Variants in NACA observed in about 807,000 individuals in gnomAD.
The protein encoded by NACA is nascent polypeptide associated complex subunit alpha.
A neutral mutation model predicts 86.4 loss-of-function variants in NACA; 42 were observed. The observed-to-expected ratio is 0.49, with a 90% CI of 0.38 to 0.63. The LOEUF (loss-of-function observed/expected upper bound fraction) is 0.63. Among genes scored for constraint, NACA ranks in the 20% least tolerant of loss-of-function variants. The pLI is 0.00. For missense variants in NACA, 2,157 were observed against 2,483.6 expected, an observed-to-expected ratio of 0.87 and a Z score of 2.80; for synonymous variants, 898 against 973.7, an observed-to-expected ratio of 0.92 and a Z score of 1.45.
At position 56,721,390 on chromosome 12, in the gene NACA, G is replaced by A. The variant is rs766700608; in HGVS notation, c.140C>T (p.Pro47Leu). Residue 47 changes from proline to leucine, a missense_variant, in exon 3 of 9, where the codon CCT becomes CTT. By Grantham distance (98) the Pro-to-Leu change is moderately conservative (BLOSUM62 -3). Transcript: ENST00000454682. ...ALGQPGPTLP[P>L]PCSPAPQQCP... Reference sequence around the variant, plus strand: ...CTGTTGTGGGGCAGGAGAGCAAGGAGGGGGGAGGGTAGGTCCAGGCTGCCC... The same window carrying A: ...CTGTTGTGGGGCAGGAGAGCAAGGAAGGGGGAGGGTAGGTCCAGGCTGCCC... 4 of 1,573,036 alleles carry A rather than the reference G, an allele frequency of 2.5e-6. No individual in the cohort carries two copies. The highest frequency in any genetic ancestry group is 1.9e-5 in the Admixed American group (1 of 52,830).
chr12:56,717,535 GCC>G lies in NACA; in HGVS notation c.3993_3994del (p.Ala1332ProfsTer12). Reference sequence around the variant, plus strand: ...AGGAGTTACAGCTGGGGGAGTGGGGGCCCCTTTGGGGGGTGGGGTACCTGGGC... The same window carrying G: ...AGGAGTTACAGCTGGGGGAGTGGGGGCCTTTGGGGGGTGGGGTACCTGGGC... On this transcript the variant is annotated frameshift_variant, in exon 3 of 9. Coordinates refer to ENST00000454682, the MANE Select transcript of NACA (RefSeq NM_001365896.1). LOFTEE classifies it high-confidence loss of function. The G allele has an allele frequency of 7.8e-7, 1 of 1,276,844 alleles. No individual in the cohort carries two copies. The highest frequency in any genetic ancestry group is 1.6e-5 in the African/African-American group (1 of 63,868). The allele number at this position is 1,276,844 out of a possible 1,614,324, so 79.1% of individuals were successfully genotyped here.
chr12:56,716,065 C>T lies in NACA; in HGVS notation c.5465G>A (p.Gly1822Glu), dbSNP rs755239472. The change falls in exon 3 of 9, where the codon GGG becomes GAG. Residue 1822 changes from glycine to glutamate, a missense_variant. Coordinates refer to ENST00000454682, the MANE Select transcript of NACA (RefSeq NM_001365896.1). Reference sequence around the variant, plus strand: ...TTTAGAGGGTGATTCCAACACCAGCCCAGGAGAGGACGGCAGAAATTGCTG... The same window carrying T: ...TTTAGAGGGTGATTCCAACACCAGCTCAGGAGAGGACGGCAGAAATTGCTG... ...PKQQFLPSSPGLVLESPSKPL... is the reference protein window; with the variant it reads ...PKQQFLPSSPELVLESPSKPL... The T allele has an allele frequency of 1.2e-6, 2 of 1,612,306 alleles. No homozygotes were observed. The highest frequency in any genetic ancestry group is 2.7e-5 in the African/African-American group (2 of 74,984).
chr12:56,714,461 T>C (rs777443409), intron 4 of NACA, 22 bp from the exon 5 acceptor site: 11 of 1,612,694 alleles, frequency 6.8e-6, no homozygotes, highest in Non-Finnish European at 9.3e-6. Flanking sequence ...AAACAGCTAT[T>C]AGTTAACCAG....
chr12:56,717,694 G>A lies in NACA; in HGVS notation c.3836C>T (p.Ala1279Val). Residue 1279 changes from alanine (A) to valine (V), a missense_variant, in exon 3 of 9, where the codon GCT (alanine) becomes GTT (valine). By Grantham distance (64) the Ala-to-Val change is moderately conservative. Transcript: ENST00000454682. ...ATPPSLKGGL[A>V]TPPHKGAPNP... ...GGGGGCCCCTTTGTGGGGTGGGGTA[G>A]CTAGACCTCCTTTTAGGGAGGGAGG... is the stretch of plus-strand genomic sequence containing the variant. 1 of 1,156,058 alleles carries A rather than the reference G, an allele frequency of 8.7e-7. No homozygotes were observed. Among genetic ancestry groups the A allele is most frequent in the East Asian group, 4.4e-5 (1 of 22,892 alleles). 71.6% of individuals were successfully genotyped at this position (1,156,058 alleles called of 1,614,324 possible).
rs201868752 is a variant in NACA, at chr12:56,717,446, T to C, written c.4084A>G (p.Thr1362Ala). 749 of 1,360,344 alleles carry C rather than the reference T, an allele frequency of 5.5e-4. No homozygotes were observed. The highest frequency in any genetic ancestry group is 7.6e-4 in the Admixed American group (33 of 43,512). The allele number at this position is 1,360,344 out of a possible 1,614,324, so 84.3% of individuals were successfully genotyped here. A position where few individuals can be genotyped will look rare whatever the true frequency, so the allele number is the denominator to read the frequency against. Residue 1362 changes from threonine to alanine, a missense_variant, in exon 3 of 9, where the codon ACT (threonine) becomes GCT (alanine). Transcript: ENST00000454682. ...GTGGGGCCCTCTTTGGAGGATGGAG[T>C]AGTTGGGCCTCCTTTAGAGGAGGGA... ...TTPSSKGGPT[T>A]PSSKEGPTPP...
Position 56,717,277 on chromosome 12 carries a change from G to T in NACA, c.4253C>A (p.Thr1418Asn), listed in dbSNP as rs1265252949. Residue 1418 changes from threonine to asparagine, a missense_variant, in exon 3 of 9, where the codon ACT (threonine) becomes AAT (asparagine). Around this residue, in one of 8 missense-constraint regions of NACA, gnomAD observed 797 missense variants for 777.6 expected, o/e 1.02. Coordinates refer to ENST00000454682, the MANE Select transcript of NACA (RefSeq NM_001365896.1). ...GGCTGCGCCTTCTCTGGTGACTGGAGTTGCTGGAGCCTTTTTGGGGGAGAG... is the reference window on the plus strand; with the variant it reads ...GGCTGCGCCTTCTCTGGTGACTGGATTTGCTGGAGCCTTTTTGGGGGAGAG... The part of the protein sequence containing the change: ...IPLSPKKAPA[T>N]PVTREGAATP... 1 of 1,341,524 alleles carries T rather than the reference G, an allele frequency of 7.5e-7. No homozygotes were observed. The highest frequency in any genetic ancestry group is 1.4e-5 in the South Asian group (1 of 71,374). 83.1% of individuals were successfully genotyped at this position (1,341,524 alleles called of 1,614,324 possible).
chr12:56,715,102 C>T (rs1327650274), intron 3 of NACA, among the ~76,000 whole-genome samples: 1 of 152,178 alleles, frequency 6.6e-6, no homozygotes, highest in Non-Finnish European at 1.5e-5. Context: ...CAAAATCACA[C>T]CGTGGAGGCA....
At chr12:56,724,770 T>G in intron 1 of NACA, 1 of 506,286 alleles carries the variant, frequency 2.0e-6, no homozygotes, top group Non-Finnish European at 3.5e-6. Flanking sequence ...GGGCTGGCTC[T>G]CGATCATGGG....
At chr12:56,713,952 G>A (rs761647861) in intron 5 of NACA, 7 of 424,628 alleles carry the variant, frequency 1.6e-5, no homozygotes, top group African/African-American at 4.0e-5. Flanking sequence ...AGCAATTGCC[G>A]TGCCTCAGCC....
Position 56,717,384 on chromosome 12 carries a change from G to A in NACA, c.4146C>T (p.Pro1382=), listed in dbSNP as rs1175266649. Residue 1382 remains proline, a synonymous_variant, in exon 3 of 9, where the codon CCC becomes CCT. Transcript: ENST00000454682. ...TTTTGGGGGAGGGAGGAGTCATAGC[G>A]GGACCTCCTTTGTGGGAGGGGGTTG... ...PAATPSHKGG[P]AMTPPSPKRG... 7.4e-6 allele frequency: 10 copies of A among 1,347,508 alleles called. No individual in the cohort carries two copies. The highest frequency in any genetic ancestry group is 1.5e-5 in the African/African-American group (1 of 65,532). The allele number at this position is 1,347,508 out of a possible 1,614,324, so 83.5% of individuals were successfully genotyped here. A position where few individuals can be genotyped will look rare whatever the true frequency, so the allele number is the denominator to read the frequency against.
intron 2 of NACA, 48 bp downstream of exon 2, chr12:56,724,404 G>A (rs1373760953): frequency 1.3e-6 from 2 of 1,556,948 alleles, no homozygotes; most frequent in Admixed American, 2.0e-5. Context: ...CCACCAAATG[G>A]CTTTAGGGTT....
rs760815206 is a variant in NACA at position 56,719,279 on chromosome 12, C to A, written c.2251G>T (p.Val751Phe). ...GCTGAAGTATGAGAAATACCATCAA[C>A]CTTTTTTGTACCTGGAGGAGTCCCA... ...PAGTPPGTKKVDGISHTSALA... is the reference protein window; with the variant it reads ...PAGTPPGTKKFDGISHTSALA... The change falls in exon 3 of 9, where the codon GTT (valine) becomes TTT (phenylalanine). Residue 751 changes from valine (V) to phenylalanine (F), a missense_variant. This residue lies in a region of NACA where 947 missense variants were observed against 917.9 expected (regional missense o/e 1.03). Coordinates refer to ENST00000454682, the MANE Select transcript of NACA (RefSeq NM_001365896.1). The A allele has an allele frequency of 1.5e-5, 23 of 1,580,276 alleles. No individual in the cohort carries two copies. The highest frequency in any genetic ancestry group is 9.4e-5 in the East Asian group (4 of 42,730).
Position 56,713,177 on chromosome 12 carries a change from G to C in NACA, c.5984C>G (p.Ser1995Cys). 1 of 1,614,060 alleles carries C rather than the reference G, an allele frequency of 6.2e-7. No homozygotes were observed. The highest frequency in any genetic ancestry group is 8.5e-7 in the Non-Finnish European group (1 of 1,179,974). The change falls in exon 7 of 9, where the codon TCC (serine) becomes TGC (cysteine). Residue 1995 changes from serine (S) to cysteine (C), a missense_variant. Physicochemically the swap from Ser to Cys is moderately radical, Grantham distance 112 (BLOSUM62 -1). This residue lies in a region of NACA where 81 missense variants were observed against 200.6 expected (regional missense o/e 0.40). Transcript: ENST00000454682. ...VFGEAKIEDL[S>C]QQAQLAAAEK... The stretch of plus-strand genomic sequence containing the variant: ...AGCAGCTGCTAGTTGTGCTTGCTGG[G>C]ATAAATCTTCGATCTACAGGGTAGA...
rs1304808240 is a variant in NACA at position 56,716,292 on chromosome 12, T to C, written c.5238A>G (p.Ser1746=). 8 of 1,613,244 alleles carry C rather than the reference T, an allele frequency of 5.0e-6. No individual in the cohort carries two copies. The South Asian group carries it at 7.7e-5, about 16-fold the overall frequency. ...APLLPVQKDS[S]KTAKGKDASH... Reference sequence around the variant, plus strand: ...AAGCATCTTTGCCTTTTGCTGTCTTTGAAGAGTCTTTCTGAACAGGGAGTA... The same window carrying C: ...AAGCATCTTTGCCTTTTGCTGTCTTCGAAGAGTCTTTCTGAACAGGGAGTA... Residue 1746 remains serine (S), a synonymous_variant, in exon 3 of 9, where the codon TCA becomes TCG. Coordinates refer to ENST00000454682, the MANE Select transcript of NACA (RefSeq NM_001365896.1).
Position 56,717,099 on chromosome 12 carries a change from C to T in NACA, c.4431G>A (p.Glu1477=). ...LPAVTPPSPK[E]PPAPKQVATS... ...TGGCAACTTGTTTGGGGGCTGGGGG[C>T]TCCTTGGGGGAAGGAGGAGTCACTG... The change falls in exon 3 of 9, where the codon GAG becomes GAA. Residue 1477 remains glutamate (E), a synonymous_variant. Transcript: ENST00000454682. 3 of 1,241,030 alleles carry T rather than the reference C, an allele frequency of 2.4e-6. No individual in the cohort carries two copies. The highest frequency in any genetic ancestry group is 1.8e-5 in the South Asian group (1 of 54,274). 76.9% of individuals were successfully genotyped at this position (1,241,030 alleles called of 1,614,324 possible).
Position 56,718,135 on chromosome 12 carries a change from GTTGC to G in NACA, c.3391_3394del (p.Ala1131LeufsTer9). The stretch of plus-strand genomic sequence containing the variant: ...TAGACCTCCTTTTGGGGAGGGAGGA[GTTGC>G]AGCTGGGGTTGTGGGTGCCCCTTTG... On this transcript the variant is annotated frameshift_variant, in exon 3 of 9. Transcript: ENST00000454682. LOFTEE classifies it high-confidence loss of function. 12 of 855,752 alleles carry G rather than the reference GTTGC, an allele frequency of 1.4e-5. No individual in the cohort carries two copies. The highest frequency in any genetic ancestry group is 6.0e-5 in the Admixed American group (1 of 16,666). The allele number at this position is 855,752 out of a possible 1,614,324, so 53.0% of individuals were successfully genotyped here. A position where few individuals can be genotyped will look rare whatever the true frequency, so the allele number is the denominator to read the frequency against.
intron 5 of NACA, 103 bp from the exon 6 acceptor site, chr12:56,713,786 G>T: frequency 1.7e-6 from 2 of 1,191,998 alleles, no homozygotes; most frequent in South Asian, 1.4e-5. Flanking sequence ...TCCCCAGGCT[G>T]AGAAAAGTTC....
At position 56,720,131 on chromosome 12, in the gene NACA, T is replaced by A; in HGVS notation, c.1399A>T (p.Met467Leu). The change falls in exon 3 of 9, where the codon ATG becomes TTG. Residue 467 changes from methionine to leucine, a missense_variant. Physicochemically the swap from Met to Leu is conservative, Grantham distance 15. Around this residue, in one of 8 missense-constraint regions of NACA, gnomAD observed 947 missense variants for 917.9 expected, o/e 1.03. Coordinates refer to ENST00000454682, the MANE Select transcript of NACA (RefSeq NM_001365896.1). The part of the protein sequence containing the change: ...FEVATCVSPP[M>L]SSGPISNIEP... Reference sequence around the variant, plus strand: ...ATGTTACTTATGGGACCTGATGACATTGGAGGAGAAACACAAGTAGCTACC... The same window carrying A: ...ATGTTACTTATGGGACCTGATGACAATGGAGGAGAAACACAAGTAGCTACC... 6.2e-7 allele frequency: 1 copy of A among 1,613,704 alleles called. No individual in the cohort carries two copies. Among genetic ancestry groups the A allele is most frequent in the Non-Finnish European group, 8.5e-7 (1 of 1,179,832 alleles).
chr12:56,714,472 A>C, intron 4 of NACA, 33 bp from the exon 5 acceptor site: 1 of 1,610,882 alleles, frequency 6.2e-7, no homozygotes, highest in Non-Finnish European at 8.5e-7. Flanking sequence ...AGTTAACCAG[A>C]ATCTAAGATC....
Sources: gnomAD v4.1 joint callset for allele counts (sites outside exome capture counted in the v4.1 genomes callset) on GRCh38, gnomAD v4.1.1 for gene constraint, gnomAD v4.1.1 regional missense constraint, MANE v1.5 for transcripts, NCBI Gene and HGNC (gene_info 2026-07-23, HGNC 2026-07-21) for gene names.